The following RTL4 variants were observed in gnomAD, a reference collection of about 807,000 sequenced individuals.
RTL4 encodes retrotransposon Gag like 4, also known as retrotransposon Gag-like protein 4.
RTL4 carries 4 observed loss-of-function variants against 5.3 expected under a neutral mutation model. The observed-to-expected ratio is 0.75, with a 90% CI of 0.37 to 1.72. RTL4 has a LOEUF of 1.72. Among genes scored for constraint, RTL4 ranks in the 40% most tolerant of loss-of-function variants. The pLI, the probability that RTL4 is intolerant of heterozygous loss-of-function variation, is 0.04. For missense variants in RTL4, 260 were observed against 227.1 expected (o/e 1.14, Z -0.93); for synonymous variants, 98 against 87.3 (o/e 1.12, Z -0.68).
chrX:112,303,742 A>G, the RTL4 span, among the ~76,000 whole-genome samples: 2 of 104,980 alleles, frequency 1.9e-5, no homozygotes, highest in African/African-American at 7.2e-5. Flanking sequence ...ATGTACCCTA[A>G]AACTTAAAGT....
At chrX:112,120,581 T>G in the RTL4 span, among the ~76,000 whole-genome samples, 3 of 70,578 alleles carry the variant, frequency 4.3e-5, no homozygotes, top group East Asian at 3.5e-4. Flanking sequence ...CCGGCTGGGG[T>G]TTTTTTTTTT....
the RTL4 span, among the ~76,000 whole-genome samples, chrX:112,252,434 A>G: frequency 1.8e-5 from 2 of 112,202 alleles, no homozygotes; most frequent in Admixed American, 9.5e-5. Flanking sequence ...TGAGAATGAG[A>G]ATAATCAAGA....
At chrX:112,086,612 T>C in the RTL4 span, among the ~76,000 whole-genome samples, 102 of 112,223 alleles carry the variant, frequency 9.1e-4, no homozygotes, top group African/African-American at 3.1e-3. Context: ...AGCTCCTGCC[T>C]TAGAAAATAA....
chrX:112,312,794 G>A, the RTL4 span, among the ~76,000 whole-genome samples: 2 of 111,090 alleles, frequency 1.8e-5, no homozygotes, highest in African/African-American at 6.5e-5. Context: ...GCTGCCTCCA[G>A]GTCCTGTTTC....
the RTL4 span, among the ~76,000 whole-genome samples, chrX:112,229,856 C>A: frequency 8.9e-6 from 1 of 111,885 alleles, no homozygotes; most frequent in Admixed American, 9.4e-5. Context: ...TATTGGTGAA[C>A]CGCAAATGCT....
the RTL4 span, among the ~76,000 whole-genome samples, chrX:112,101,327 A>G: frequency 1.8e-5 from 2 of 112,141 alleles, no homozygotes; most frequent in African/African-American, 6.5e-5. Context: ...AGCATATTCT[A>G]TTTAAACAGT....
the RTL4 span, among the ~76,000 whole-genome samples, chrX:112,260,088 C>T: frequency 9.0e-6 from 1 of 111,299 alleles, no homozygotes; most frequent in Non-Finnish European, 1.9e-5. Flanking sequence ...ATTTTTGATC[C>T]CCTTTGGATA....
chrX:112,106,054 T>A, the RTL4 span, among the ~76,000 whole-genome samples: 1 of 111,970 alleles, frequency 8.9e-6, no homozygotes, highest in African/African-American at 3.2e-5. Context: ...AGCACATGTC[T>A]TCTACTCCTT....
chrX:112,231,187 C>T, the RTL4 span, among the ~76,000 whole-genome samples: 1 of 111,179 alleles, frequency 9.0e-6, no homozygotes, highest in Non-Finnish European at 1.9e-5. Flanking sequence ...GAATCTAGAA[C>T]TAGAAATACC....
the RTL4 span, among the ~76,000 whole-genome samples, chrX:112,103,304 C>G: frequency 2.8e-5 from 3 of 108,739 alleles, no homozygotes; most frequent in African/African-American, 1.0e-4. Flanking sequence ...TTATCCTCAG[C>G]AAACTGACAC....
chrX:112,365,864 C>A, the RTL4 span, among the ~76,000 whole-genome samples: 1 of 111,365 alleles, frequency 9.0e-6, no homozygotes, highest in Non-Finnish European at 1.9e-5. Flanking sequence ...GGTCCTCCCA[C>A]CCTGCTTATT....
At chrX:112,088,366 G>A in the RTL4 span, among the ~76,000 whole-genome samples, 1 of 111,453 alleles carries the variant, frequency 9.0e-6, no homozygotes, top group Non-Finnish European at 1.9e-5. Context: ...AGGTCCATCT[G>A]TGTTGTAGCA....
At chrX:112,254,296 C>A in the RTL4 span, among the ~76,000 whole-genome samples, 1 of 109,331 alleles carries the variant, frequency 9.1e-6, no homozygotes, top group South Asian at 4.0e-4. Context: ...GTCAGACGGA[C>A]CTGGCTTAAG....
At chrX:112,236,491 C>A in the RTL4 span, among the ~76,000 whole-genome samples, 4 of 55,828 alleles carry the variant, frequency 7.2e-5, no homozygotes, top group Admixed American at 5.7e-4. Context: ...AGATCTATAT[C>A]TATATATAGA....
the RTL4 span, among the ~76,000 whole-genome samples, chrX:112,108,271 A>C: frequency 8.9e-6 from 1 of 112,079 alleles, no homozygotes; most frequent in Admixed American, 9.5e-5. Flanking sequence ...TAAAACAGTT[A>C]TTTTGAATTC....
the RTL4 span, among the ~76,000 whole-genome samples, chrX:112,329,747 G>A: frequency 9.0e-6 from 1 of 111,076 alleles, no homozygotes; most frequent in Non-Finnish European, 1.9e-5. Flanking sequence ...GAACATTGAT[G>A]CAAAAATCCT....
chrX:112,135,457 A>T, the RTL4 span, among the ~76,000 whole-genome samples: 3 of 111,167 alleles, frequency 2.7e-5, no homozygotes, highest in Non-Finnish European at 5.7e-5. Context: ...CTTCGCAATG[A>T]TTTTCTCCCA....
At chrX:112,098,927 A>T in the RTL4 span, among the ~76,000 whole-genome samples, 1 of 112,353 alleles carries the variant, frequency 8.9e-6, no homozygotes, top group East Asian at 2.8e-4. Context: ...AAACCATAAA[A>T]ACACTAGAAG....
At chrX:112,329,441 C>T in the RTL4 span, among the ~76,000 whole-genome samples, 263 of 111,368 alleles carry the variant, frequency 2.4e-3, 1 homozygote, top group African/African-American at 7.8e-3. Context: ...CACATACACT[C>T]TCCCAAGACT....
Sources: gnomAD v4.1 joint callset for allele counts (sites outside exome capture counted in the v4.1 genomes callset) on GRCh38, gnomAD v4.1.1 for gene constraint, MANE v1.5 for transcripts, NCBI Gene and HGNC (gene_info 2026-07-23, HGNC 2026-07-21) for gene names.